Variants in TSHZ2 observed in about 807,000 individuals in gnomAD.
TSHZ2 encodes teashirt homolog 2.
A neutral mutation model predicts 74.4 loss-of-function variants in TSHZ2; 21 were observed. The observed-to-expected ratio is 0.28, with a 90% CI of 0.20 to 0.41. The LOEUF (loss-of-function observed/expected upper bound fraction) is 0.41. Among genes scored for constraint, TSHZ2 ranks in the 10% least tolerant of loss-of-function variants. The pLI is 1.00. For synonymous variants in TSHZ2, 540 were observed against 515.3 expected, an observed-to-expected ratio of 1.05 and a Z score of -0.65; for missense variants, 1,244 against 1,293.5, an observed-to-expected ratio of 0.96 and a Z score of 0.59.
At chr20:53,486,415 C>A (rs757180187) in intron 2 of TSHZ2, among the ~76,000 whole-genome samples, 7 of 152,016 alleles carry the variant, frequency 4.6e-5, no homozygotes, top group Non-Finnish European at 8.8e-5. Context: ...AAAGTTGCAA[C>A]TTTTTGGCCA....
At chr20:52,978,088 G>A (rs548831017) in intron 1 of TSHZ2, among the ~76,000 whole-genome samples, 1 of 152,212 alleles carries the variant, frequency 6.6e-6, no homozygotes, top group South Asian at 2.1e-4. Context: ...AGTCTCCAAC[G>A]GACGTTTATG....
chr20:53,274,089 G>A (rs1020925009), intron 2 of TSHZ2, among the ~76,000 whole-genome samples: 2 of 152,134 alleles, frequency 1.3e-5, no homozygotes, highest in African/African-American at 4.8e-5. Context: ...GACCATCCTG[G>A]TGAGACCTCA....
At chr20:53,129,600 TAGAC>T (rs1160833767) in intron 1 of TSHZ2, among the ~76,000 whole-genome samples, 1 of 152,232 alleles carries the variant, frequency 6.6e-6, no homozygotes, top group Non-Finnish European at 1.5e-5. Flanking sequence ...CAATTTATCA[TAGAC>T]AGTGCTCTTC....
chr20:53,333,545 T>C lies in TSHZ2; in HGVS notation c.*8+76974T>C, dbSNP rs543832197. 1.3e-4 allele frequency among the ~76,000 whole-genome samples: 20 copies of C among 151,856 alleles called. No homozygotes were observed. In the South Asian group the frequency reaches 4.0e-3, roughly 30 times the overall value. ...ATCTCAGCTCACTGCAAGCTCCGCC[T>C]CCCGGGTTCACGCCATTATCCTGCC... On this transcript the variant is annotated intron_variant, in intron 2 of 2. Transcript: ENST00000371497.
intron 2 of TSHZ2, among the ~76,000 whole-genome samples, chr20:53,435,386 T>A (rs907033861): frequency 1.3e-5 from 2 of 152,174 alleles, no homozygotes; most frequent in African/African-American, 4.8e-5. Flanking sequence ...TCCTTCTTTG[T>A]TTTTCCCCCG....
rs1257352019 is a variant in TSHZ2, at chr20:53,056,836, C to G, written c.40+83503C>G. On this transcript the variant is annotated intron_variant, in intron 1 of 2. Coordinates refer to ENST00000371497, the MANE Select transcript of TSHZ2 (RefSeq NM_173485.6). The stretch of plus-strand genomic sequence containing the variant: ...TGAACTCTTCTGTGACTTAGAATCT[C>G]TAGCACATGATTCAGAACCTTAGGA... Among the ~76,000 whole-genome samples, 82 of 152,320 alleles carry G rather than the reference C, an allele frequency of 5.4e-4. 1 individual carries two copies. The highest frequency in any genetic ancestry group is 1.6e-4 in the Non-Finnish European group (11 of 68,022).
At chr20:53,206,458 G>A (rs192710497) in intron 1 of TSHZ2, 6 of 152,230 alleles carry the variant, frequency 3.9e-5, no homozygotes, top group Admixed American at 3.9e-4. Context: ...GACTAAACTT[G>A]GTCAAAGGGT....
At chr20:53,359,760 A>T (rs762967151) in intron 2 of TSHZ2, among the ~76,000 whole-genome samples, 1 of 152,194 alleles carries the variant, frequency 6.6e-6, no homozygotes, top group East Asian at 1.9e-4. Context: ...GAGGGAAAGG[A>T]GATCAAGTCA....
intron 1 of TSHZ2, among the ~76,000 whole-genome samples, chr20:53,151,249 G>T (rs1987670333): frequency 6.6e-6 from 1 of 152,180 alleles, no homozygotes; most frequent in African/African-American, 2.4e-5. Context: ...CTATTATACT[G>T]GTGCCTATTC....
intron 1 of TSHZ2, among the ~76,000 whole-genome samples, chr20:53,069,953 A>G (rs1985120325): frequency 6.6e-6 from 1 of 152,132 alleles, no homozygotes. Context: ...TACACTATCC[A>G]TCTATGTATT....
At chr20:53,259,145 G>T (rs1400293868) in intron 2 of TSHZ2, among the ~76,000 whole-genome samples, 1 of 152,190 alleles carries the variant, frequency 6.6e-6, no homozygotes. Context: ...GTCATGAAAT[G>T]ACATCACTGT....
intron 2 of TSHZ2, among the ~76,000 whole-genome samples, chr20:53,311,192 C>T (rs1978769322): frequency 6.6e-6 from 1 of 152,178 alleles, no homozygotes; most frequent in South Asian, 2.1e-4. Context: ...GTCAAAATTA[C>T]CATTAAAAAT....
chr20:53,232,710 A>G (rs563581902), intron 1 of TSHZ2, among the ~76,000 whole-genome samples: 272 of 152,330 alleles, frequency 1.8e-3, no homozygotes, highest in Non-Finnish European at 2.7e-3. Context: ...AGCCTGGGCA[A>G]CAGAGCGAGA....
intron 1 of TSHZ2, among the ~76,000 whole-genome samples, chr20:52,979,601 T>C (rs913074879): frequency 2.0e-5 from 3 of 152,202 alleles, no homozygotes; most frequent in Admixed American, 1.3e-4. Context: ...ACTCCATGAA[T>C]GAAATGATTC....
chr20:53,163,381 T>C (rs1031112549), intron 1 of TSHZ2, among the ~76,000 whole-genome samples: 1 of 148,630 alleles, frequency 6.7e-6, no homozygotes, highest in Non-Finnish European at 1.5e-5. Flanking sequence ...TTTTTTTTTT[T>C]TTTTTGAGGT....
At chr20:53,351,974 CA>C (rs879768715) in intron 2 of TSHZ2, among the ~76,000 whole-genome samples, 7 of 152,186 alleles carry the variant, frequency 4.6e-5, no homozygotes, top group Non-Finnish European at 1.0e-4. Context: ...AGAATGTACA[CA>C]AAATACTTAG....
chr20:53,386,918 A>T (rs1260206227), intron 2 of TSHZ2, among the ~76,000 whole-genome samples: 9 of 152,098 alleles, frequency 5.9e-5, no homozygotes, highest in Admixed American at 5.9e-4. Context: ...TTGTAAAGAA[A>T]ATCACATCTG....
chr20:53,007,700 G>A (rs924888025), intron 1 of TSHZ2, among the ~76,000 whole-genome samples: 1 of 150,956 alleles, frequency 6.6e-6, no homozygotes, highest in East Asian at 1.9e-4. Flanking sequence ...TGTGGTGTGT[G>A]TGTATGTATG....
At chr20:53,312,506 C>T (rs1274401247) in intron 2 of TSHZ2, among the ~76,000 whole-genome samples, 2 of 152,054 alleles carry the variant, frequency 1.3e-5, no homozygotes, top group Non-Finnish European at 2.9e-5. Context: ...AGGAGCCAGG[C>T]AGGTAATGTA....
Sources: allele counts gnomAD v4.1 joint callset (sites outside exome capture counted in the v4.1 genomes callset), GRCh38; gene constraint gnomAD v4.1.1; transcripts MANE v1.5; gene names NCBI Gene and HGNC (gene_info 2026-07-23, HGNC 2026-07-21).